Variants in RBFOX1 observed in about 807,000 individuals in gnomAD.
RBFOX1 encodes the protein RNA binding fox-1 homolog 1, also known as RNA binding protein fox-1 homolog 1.
A neutral mutation model predicts 57.7 loss-of-function variants in RBFOX1; 8 were observed. That is an observed-to-expected ratio of 0.14 (90% CI 0.08 to 0.25). The LOEUF (loss-of-function observed/expected upper bound fraction) is 0.25, where lower values mean the gene tolerates loss of function less well. RBFOX1 is among the 10% of genes least tolerant of loss of function. The pLI is 1.00. For synonymous variants in RBFOX1, 326 were observed against 222.4 expected, an observed-to-expected ratio of 1.47 and a Z score of -4.15; for missense variants, 611 against 548.5, an observed-to-expected ratio of 1.11 and a Z score of -1.14.
At chr16:6,812,468 G>A (rs2088937638) in intron 3 of RBFOX1, among the ~76,000 whole-genome samples, 1 of 152,152 alleles carries the variant, frequency 6.6e-6, no homozygotes, top group East Asian at 1.9e-4. Flanking sequence ...CCACCTCTAG[G>A]GTTCAAGTGA....
At chr16:5,711,028 C>T (rs2051468672) in intron 3 of RBFOX1, among the ~76,000 whole-genome samples, 1 of 152,086 alleles carries the variant, frequency 6.6e-6, no homozygotes, top group Admixed American at 6.6e-5. Context: ...CACAAGGAGA[C>T]ATGCCTCTGG....
At chr16:7,642,237 A>G (rs1211562299) in intron 11 of RBFOX1, among the ~76,000 whole-genome samples, 2 of 152,190 alleles carry the variant, frequency 1.3e-5, no homozygotes, top group African/African-American at 4.8e-5. Flanking sequence ...TCTGGCTCAG[A>G]TATCAGGCAG....
intron 13 of RBFOX1, among the ~76,000 whole-genome samples, chr16:7,670,308 A>AGCTAGGATTACACGT (rs2070965591): frequency 6.6e-6 from 1 of 152,220 alleles, no homozygotes; most frequent in African/African-American, 2.4e-5. Flanking sequence ...CTAGGATTAC[A>AGCTAGGATTACACGT]GGTGTCAGCC....
chr16:6,717,365 G>T (rs186204083), intron 3 of RBFOX1, among the ~76,000 whole-genome samples: 5 of 152,250 alleles, frequency 3.3e-5, no homozygotes, highest in Admixed American at 3.3e-4. Context: ...AGTTCAAGAT[G>T]TATTACTCAA....
chr16:6,212,424 G>A (rs555866796), intron 1 of RBFOX1, among the ~76,000 whole-genome samples: 10 of 152,068 alleles, frequency 6.6e-5, no homozygotes, highest in South Asian at 6.2e-4. Flanking sequence ...ATATATCCAC[G>A]GCTGGGTGTT....
At chr16:7,383,960 A>G (rs775378716) in intron 4 of RBFOX1, among the ~76,000 whole-genome samples, 2 of 152,008 alleles carry the variant, frequency 1.3e-5, no homozygotes, top group African/African-American at 2.4e-5. Flanking sequence ...AGGCTGAGGC[A>G]GGAGAATCAC....
chr16:6,722,972 A>G (rs1189298807), intron 3 of RBFOX1, among the ~76,000 whole-genome samples: 1 of 152,082 alleles, frequency 6.6e-6, no homozygotes, highest in East Asian at 1.9e-4. Context: ...TCTGCAAGTG[A>G]TGGTATTTGA....
intron 2 of RBFOX1, among the ~76,000 whole-genome samples, chr16:6,470,812 G>T (rs1209492902): frequency 1.3e-5 from 2 of 151,966 alleles, no homozygotes; most frequent in East Asian, 3.9e-4. Flanking sequence ...AACACCTCCA[G>T]TTATACATGT....
At chr16:6,851,926 G>GTTTTTTTTTTTTTT (rs71147610) in intron 3 of RBFOX1, among the ~76,000 whole-genome samples, 1 of 143,592 alleles carries the variant, frequency 7.0e-6, no homozygotes, top group Non-Finnish European at 1.5e-5. Context: ...TTTCCATTGG[G>GTTTTTTTTTTTTTT]TTTTTTTTTT....
At chr16:7,121,927 G>A (rs944212066) in intron 4 of RBFOX1, among the ~76,000 whole-genome samples, 3 of 138,516 alleles carry the variant, frequency 2.2e-5, no homozygotes, top group Non-Finnish European at 3.2e-5. Context: ...AAGGAGAAAT[G>A]ATTTTGTTTT....
At chr16:7,132,845 A>G (rs536504553) in intron 4 of RBFOX1, among the ~76,000 whole-genome samples, 10 of 152,334 alleles carry the variant, frequency 6.6e-5, no homozygotes, top group Admixed American at 6.5e-4. Flanking sequence ...AGTAACTGCC[A>G]TAAAGCAAGA....
intron 3 of RBFOX1, among the ~76,000 whole-genome samples, chr16:6,955,964 C>T (rs983202974): frequency 2.0e-5 from 3 of 152,232 alleles, no homozygotes; most frequent in African/African-American, 7.2e-5. Flanking sequence ...CCTTGGCCTC[C>T]CGAAGTGCTG....
chr16:6,268,730 G>T (rs546883159), intron 1 of RBFOX1, among the ~76,000 whole-genome samples: 10 of 152,284 alleles, frequency 6.6e-5, no homozygotes, highest in South Asian at 4.1e-4. Context: ...GTTCATCGAA[G>T]AAACACACAA....
At chr16:5,307,414 A>C (rs1168712706) in intron 1 of RBFOX1, among the ~76,000 whole-genome samples, 1 of 152,178 alleles carries the variant, frequency 6.6e-6, no homozygotes, top group Non-Finnish European at 1.5e-5. Flanking sequence ...TCACAAAGGA[A>C]ACACATGCTC....
At chr16:6,457,845 A>G (rs2094814816) in intron 2 of RBFOX1, among the ~76,000 whole-genome samples, 1 of 152,280 alleles carries the variant, frequency 6.6e-6, no homozygotes, top group East Asian at 1.9e-4. Flanking sequence ...AGCGCCTTGG[A>G]ATAAAAAGTG....
intron 2 of RBFOX1, among the ~76,000 whole-genome samples, chr16:6,443,816 CTCCATCTAGCTA>C (rs1273163044): frequency 6.6e-6 from 1 of 152,118 alleles, no homozygotes; most frequent in Non-Finnish European, 1.5e-5. Flanking sequence ...TTACCCATCT[CTCCATCTAGCTA>C]TCCATTCATC....
intron 4 of RBFOX1, among the ~76,000 whole-genome samples, chr16:5,974,835 C>A (rs375738530): frequency 6.6e-4 from 100 of 152,020 alleles, no homozygotes; most frequent in Middle Eastern, 6.8e-3. Context: ...ATGGAGAAAC[C>A]CTGTCTCTAT....
At chr16:7,633,798 C>G (rs1288738970) in intron 11 of RBFOX1, among the ~76,000 whole-genome samples, 1 of 152,170 alleles carries the variant, frequency 6.6e-6, no homozygotes, top group Non-Finnish European at 1.5e-5. Flanking sequence ...AGTTTATCCG[C>G]AAATCCCTAA....
rs1243293059 is a variant in RBFOX1, at chr16:6,204,406, TG to T, written c.-126-112588del. ...TGTTGTGGGGAATCCACCTTTGTTA[TG>T]TTTTTTTCTAGAAGGGCCTAGAAGC... On this transcript the variant is annotated intron_variant, in intron 1 of 15. Transcript: ENST00000550418. Among the ~76,000 whole-genome samples the T allele has an allele frequency of 2.6e-5, 4 of 152,334 alleles. No homozygotes were observed. In the East Asian group the frequency reaches 5.8e-4, roughly 22 times the overall value.
Sources: gnomAD v4.1 joint callset for allele counts (sites outside exome capture counted in the v4.1 genomes callset) on GRCh38, gnomAD v4.1.1 for gene constraint, MANE v1.5 for transcripts, NCBI Gene and HGNC (gene_info 2026-07-23, HGNC 2026-07-21) for gene names.